The following FAM124A variants were observed in gnomAD, a reference collection of about 807,000 sequenced individuals.
The protein encoded by FAM124A is protein FAM124A.
Under a neutral mutation model 24.5 loss-of-function variants are expected in FAM124A, and 23 were observed. The ratio of observed to expected loss-of-function variants is 0.94; its 90% confidence interval spans 0.68 to 1.33. The LOEUF is 1.33. Among genes scored for constraint, FAM124A ranks in the 40% most tolerant of loss-of-function variants. The probability of loss-of-function intolerance (pLI) is 0.00; values close to 1 mark genes in which losing one functional copy is unlikely to be tolerated. For synonymous variants in FAM124A, 287 were observed against 314.7 expected, an observed-to-expected ratio of 0.91 and a Z score of 0.93; for missense variants, 623 against 722.8, an observed-to-expected ratio of 0.86 and a Z score of 1.58.
Position 51,272,299 on chromosome 13 carries a change from C to T in FAM124A, c.835-8151C>T, listed in dbSNP as rs1355318654. ...CCTACCAAATCAAGAGTCCCCAAAC[C>T]ACACTCCCCTCCTGCCCGCACTGAT... On this transcript the variant is annotated intron_variant, in intron 3 of 3. Transcript: ENST00000322475. The surrounding 1 kb of genome is among the most constrained non-coding windows in gnomAD (Gnocchi z 4.2). 6.6e-6 allele frequency among the ~76,000 whole-genome samples: 1 copy of T among 152,098 alleles called. No homozygotes were observed. The highest frequency in any genetic ancestry group is 2.4e-5 in the African/African-American group (1 of 41,400).
chr13:51,246,155 C>G (rs1308875136), intron 2 of FAM124A, among the ~76,000 whole-genome samples: 1 of 152,186 alleles, frequency 6.6e-6, no homozygotes, highest in East Asian at 1.9e-4. Context: ...AGCCTTGGGG[C>G]AGTCTGTGCC....
chr13:51,265,273 A>C (rs528718423), intron 3 of FAM124A, among the ~76,000 whole-genome samples: 37 of 152,204 alleles, frequency 2.4e-4, no homozygotes, highest in African/African-American at 7.0e-4. Context: ...TCTGTCTCTC[A>C]CCGCCTCAAC....
At chr13:51,259,396 C>T (rs61539526) in intron 3 of FAM124A, among the ~76,000 whole-genome samples, 4,831 of 151,358 alleles carry the variant, frequency 0.032, 264 homozygotes, top group African/African-American at 0.11. Context: ...TCCCGCTGAC[C>T]TCCTGCCTCT....
intron 3 of FAM124A, among the ~76,000 whole-genome samples, chr13:51,275,466 CAA>C (rs1954877985): frequency 6.6e-6 from 1 of 152,122 alleles, no homozygotes; most frequent in African/African-American, 2.4e-5. Context: ...TTCTGTTCAT[CAA>C]AAGATACCAA....
At chr13:51,231,580 A>G (rs2137648689) in intron 2 of FAM124A, among the ~76,000 whole-genome samples, 1 of 152,338 alleles carries the variant, frequency 6.6e-6, no homozygotes, top group East Asian at 1.9e-4. Flanking sequence ...TTCAGCCTGA[A>G]GGATGTAACC....
chr13:51,224,933 C>CTCTGCCCTTCCCACCTGACTTGCCTG (rs1376698203), intron 1 of FAM124A, among the ~76,000 whole-genome samples: 1 of 152,148 alleles, frequency 6.6e-6, no homozygotes, highest in African/African-American at 2.4e-5. Flanking sequence ...TCTTTGCCAG[C>CTCTGCCCTTCCCACCTGACTTGCCTG]TCTGCCCTTC....
intron 3 of FAM124A, among the ~76,000 whole-genome samples, chr13:51,267,525 C>A (rs370083256): frequency 6.6e-6 from 1 of 152,162 alleles, no homozygotes; most frequent in African/African-American, 2.4e-5. Flanking sequence ...TAGGCTATGG[C>A]TATCTGCTCA....
At chr13:51,234,674 A>T (rs1593587499) in intron 2 of FAM124A, among the ~76,000 whole-genome samples, 1 of 152,308 alleles carries the variant, frequency 6.6e-6, no homozygotes, top group East Asian at 1.9e-4. Flanking sequence ...AAGGAGGAGG[A>T]AGGAAAGAAG....
chr13:51,227,461 G>A (rs1954327375), intron 1 of FAM124A: 1 of 152,192 alleles, frequency 6.6e-6, no homozygotes, highest in Admixed American at 6.5e-5. Context: ...AAGCAAACTA[G>A]TATTCTTCTG....
In FAM124A at chr13:51,231,373, A is replaced by C. The variant is rs1253293431; in HGVS notation, c.94A>C (p.Thr32Pro). The change falls in exon 2 of 4, where the codon ACG becomes CCG. Residue 32 changes from threonine to proline, a missense_variant. Physicochemically the swap from Thr to Pro is conservative, Grantham distance 38. Coordinates refer to ENST00000322475, the MANE Select transcript of FAM124A (RefSeq NM_001242312.2). ...GGSDYSHLSS[T>P]SSELSVEEAQ... ...GTCCGACTACAGCCACCTGTCCTCC[A>C]CGAGCAGTAAGTATCTTTTAAACAT... 2 of 1,613,996 alleles carry C rather than the reference A, an allele frequency of 1.2e-6. No individual in the cohort carries two copies. Among genetic ancestry groups the C allele is most frequent in the Admixed American group, 3.3e-5 (2 of 60,006 alleles).
chr13:51,278,304 C>A (rs1250041816), intron 3 of FAM124A, among the ~76,000 whole-genome samples: 2 of 152,196 alleles, frequency 1.3e-5, no homozygotes, highest in African/African-American at 4.8e-5. Flanking sequence ...CCCTCCCAGC[C>A]TCTAGTGTTT....
At chr13:51,260,248 G>A (rs866991066) in intron 3 of FAM124A, among the ~76,000 whole-genome samples, 1 of 152,302 alleles carries the variant, frequency 6.6e-6, no homozygotes, top group African/African-American at 2.4e-5. Context: ...AAAAAATGGT[G>A]GCTGTGCTGA....
intron 3 of FAM124A, among the ~76,000 whole-genome samples, chr13:51,254,291 A>G (rs1035827928): frequency 3.9e-5 from 6 of 152,194 alleles, no homozygotes; most frequent in Admixed American, 2.0e-4. Context: ...TTTTTTGTTC[A>G]GAAAGATTGC....
intron 2 of FAM124A, among the ~76,000 whole-genome samples, chr13:51,247,918 G>A (rs1451828847): frequency 2.0e-5 from 3 of 152,180 alleles, no homozygotes; most frequent in Non-Finnish European, 4.4e-5. Context: ...ACCGAAAGAA[G>A]CCAGGCAGGC....
chr13:51,242,155 T>C (rs1198909965), intron 2 of FAM124A, among the ~76,000 whole-genome samples: 1 of 152,222 alleles, frequency 6.6e-6, no homozygotes, highest in Non-Finnish European at 1.5e-5. Context: ...CTGTTCCTCT[T>C]GTTTCCAAGC....
chr13:51,281,505 A>G lies in FAM124A; in HGVS notation c.*249A>G. ...CATAAAATATATTTTTTGAATATTCAGCATTTGAGGTATGGTTTAGTGGGT... is the reference window on the plus strand; with the variant it reads ...CATAAAATATATTTTTTGAATATTCGGCATTTGAGGTATGGTTTAGTGGGT... On this transcript the variant is annotated 3_prime_UTR_variant, in exon 4 of 4. Transcript: ENST00000322475. 2.4e-6 allele frequency: 1 copy of G among 417,728 alleles called. No individual in the cohort carries two copies. Among genetic ancestry groups the G allele is most frequent in the Middle Eastern group, 6.1e-4 (1 of 1,652 alleles). The allele number at this position is 417,728 out of a possible 1,614,324, so 25.9% of individuals were successfully genotyped here. A position where few individuals can be genotyped will look rare whatever the true frequency, so the allele number is the denominator to read the frequency against.
chr13:51,223,814 A>T (rs1954288144), intron 1 of FAM124A, among the ~76,000 whole-genome samples: 2 of 138,082 alleles, frequency 1.4e-5, no homozygotes, highest in African/African-American at 2.5e-5. Context: ...TGTAAGTGGC[A>T]TTTATCAACT....
intron 2 of FAM124A, among the ~76,000 whole-genome samples, chr13:51,232,615 G>T (rs1247782359): frequency 6.6e-6 from 1 of 152,180 alleles, no homozygotes; most frequent in Non-Finnish European, 1.5e-5. Context: ...ACCAAATGTT[G>T]CCCCTTAGTT....
chr13:51,268,491 G>A (rs1954810458), intron 3 of FAM124A, among the ~76,000 whole-genome samples: 1 of 152,198 alleles, frequency 6.6e-6, no homozygotes, highest in Admixed American at 6.5e-5. Flanking sequence ...AAGAAGAGGG[G>A]GAATCCAGTT....
Sources: gnomAD v4.1 joint callset for allele counts (sites outside exome capture counted in the v4.1 genomes callset) on GRCh38, gnomAD v4.1.1 for gene constraint, Gnocchi (gnomAD v3.1) non-coding constraint, MANE v1.5 for transcripts, NCBI Gene and HGNC (gene_info 2026-07-23, HGNC 2026-07-21) for gene names.